The following FRAS1 variants were observed in gnomAD, a reference collection of about 807,000 sequenced individuals.
The protein encoded by FRAS1 is Fraser extracellular matrix complex subunit 1, also known as extracellular matrix organizing protein FRAS1.
FRAS1 carries 290 observed loss-of-function variants against 435.2 expected under a neutral mutation model. The observed-to-expected ratio is 0.67, with a 90% CI of 0.61 to 0.73. FRAS1 has a LOEUF of 0.73. FRAS1 is among the 30% of genes least tolerant of loss of function. FRAS1 has a pLI of 0.00. For missense variants in FRAS1, 4,860 were observed against 5,001.5 expected (o/e 0.97, Z 0.85); for synonymous variants, 1,800 against 1,851.0 (o/e 0.97, Z 0.71).
At chr4:78,431,511 A>G (rs1442756554) in intron 37 of FRAS1, among the ~76,000 whole-genome samples, 1 of 152,222 alleles carries the variant, frequency 6.6e-6, no homozygotes, top group African/African-American at 2.4e-5. Context: ...AGACAGAATG[A>G]GTAAATTCTT....
intron 18 of FRAS1, among the ~76,000 whole-genome samples, chr4:78,324,295 C>A (rs1729632177): frequency 6.6e-6 from 1 of 152,092 alleles, no homozygotes; most frequent in Non-Finnish European, 1.5e-5. Context: ...ATAAGCATAT[C>A]CCTAATATTG....
chr4:78,374,639 T>G (rs1731683872), intron 25 of FRAS1, among the ~76,000 whole-genome samples: 1 of 152,224 alleles, frequency 6.6e-6, no homozygotes, highest in South Asian at 2.1e-4. Context: ...CATAAATCCT[T>G]AAAGAATGGG....
In FRAS1 at chr4:78,482,519, T is replaced by C; in HGVS notation, c.8736T>C (p.Asn2912=). ...TKPFQAVIAI[N]DTFQDVPSMQ... ...CCTTCCAGGCAGTCATTGCAATTAA[T>C]GACACATTCCAAGATGGTAAGAGAT... The change falls in exon 58 of 74, where the codon AAT becomes AAC. Residue 2912 remains asparagine (N), a synonymous_variant. Transcript: ENST00000512123. The C allele has an allele frequency of 6.2e-7, 1 of 1,613,848 alleles. No homozygotes were observed. The highest frequency in any genetic ancestry group is 8.5e-7 in the Non-Finnish European group (1 of 1,179,828).
At chr4:78,323,918 A>C (rs1181849222) in intron 18 of FRAS1, among the ~76,000 whole-genome samples, 1 of 152,142 alleles carries the variant, frequency 6.6e-6, no homozygotes, top group Non-Finnish European at 1.5e-5. Flanking sequence ...AATTTCTCAT[A>C]GGACTCTCCT....
intron 53 of FRAS1, 58 bp downstream of exon 53, chr4:78,473,655 C>T: frequency 7.1e-7 from 1 of 1,405,256 alleles, no homozygotes; most frequent in Non-Finnish European, 9.7e-7. Flanking sequence ...CAGAGGGAGT[C>T]AGGATGAAGG....
At chr4:78,527,601 A>T (rs1721580025) in intron 70 of FRAS1, among the ~76,000 whole-genome samples, 1 of 152,154 alleles carries the variant, frequency 6.6e-6, no homozygotes, top group African/African-American at 2.4e-5. Context: ...TGGCTATTGG[A>T]TTCGTCAATA....
chr4:78,230,342 T>C (rs1724466864), intron 2 of FRAS1, among the ~76,000 whole-genome samples: 1 of 152,244 alleles, frequency 6.6e-6, no homozygotes, highest in Non-Finnish European at 1.5e-5. Flanking sequence ...TGAAAGGAGA[T>C]AATTTAATGT....
chr4:78,435,731 C>G (rs140164496), intron 38 of FRAS1, among the ~76,000 whole-genome samples: 1 of 138,844 alleles, frequency 7.2e-6, no homozygotes, highest in African/African-American at 2.6e-5. Context: ...GAGTGAGACT[C>G]TGTCTCAAGA....
At chr4:78,228,418 G>A (rs949666782) in intron 2 of FRAS1, among the ~76,000 whole-genome samples, 2 of 152,148 alleles carry the variant, frequency 1.3e-5, no homozygotes, top group Non-Finnish European at 2.9e-5. Flanking sequence ...ACTATTACAG[G>A]ATTATGTTAG....
intron 18 of FRAS1, among the ~76,000 whole-genome samples, chr4:78,323,845 T>C (rs1332653320): frequency 6.6e-6 from 1 of 152,196 alleles, no homozygotes; most frequent in Non-Finnish European, 1.5e-5. Flanking sequence ...GGATTTTTTT[T>C]TTCTTCTAAA....
At chr4:78,360,587 G>A (rs114233065) in intron 20 of FRAS1, among the ~76,000 whole-genome samples, 1 of 152,142 alleles carries the variant, frequency 6.6e-6, no homozygotes, top group South Asian at 2.1e-4. Context: ...ATAGATAGAC[G>A]TTTTGAGGTG....
intron 2 of FRAS1, among the ~76,000 whole-genome samples, chr4:78,078,811 G>A (rs1740773779): frequency 6.6e-6 from 1 of 152,080 alleles, no homozygotes. Context: ...AAGAAGAATT[G>A]TTGTTAATAA....
intron 35 of FRAS1, among the ~76,000 whole-genome samples, chr4:78,426,992 G>A (rs1041140468): frequency 1.3e-5 from 2 of 152,146 alleles, no homozygotes; most frequent in African/African-American, 4.8e-5. Context: ...TGTAAAATAA[G>A]GATGTTGAAA....
At chr4:78,118,596 G>T (rs1016887802) in intron 2 of FRAS1, among the ~76,000 whole-genome samples, 1 of 152,264 alleles carries the variant, frequency 6.6e-6, no homozygotes, top group Non-Finnish European at 1.5e-5. Flanking sequence ...GCGAGGCTCC[G>T]TGGGCATAGG....
At chr4:78,503,156 G>A (rs949702282) in intron 61 of FRAS1, among the ~76,000 whole-genome samples, 1 of 152,142 alleles carries the variant, frequency 6.6e-6, no homozygotes. Flanking sequence ...TGGTCATCAG[G>A]GATATTGGTC....
At chr4:78,135,911 G>A (rs1324543538) in intron 2 of FRAS1, among the ~76,000 whole-genome samples, 1 of 152,082 alleles carries the variant, frequency 6.6e-6, no homozygotes, top group Non-Finnish European at 1.5e-5. Context: ...TGCTCCTAAG[G>A]GAAATATAAG....
At chr4:78,442,864 T>C (rs767590414) in intron 41 of FRAS1, among the ~76,000 whole-genome samples, 5 of 152,190 alleles carry the variant, frequency 3.3e-5, no homozygotes, top group Non-Finnish European at 5.9e-5. Context: ...GGTGATGCCA[T>C]TGCTGCTGGC....
rs117037864 is a variant in FRAS1 at position 78,526,106 on chromosome 4, A to G, written c.10809-435A>G. Among the ~76,000 whole-genome samples the G allele has an allele frequency of 2.6e-5, 4 of 152,296 alleles. No homozygotes were observed. The East Asian group carries it at 7.7e-4, about 29-fold the overall frequency. On this transcript the variant is annotated intron_variant, in intron 69 of 73. Coordinates refer to ENST00000512123, the MANE Select transcript of FRAS1 (RefSeq NM_025074.7). ...CTGTGTCACAGCAGCACCTGACACTATCACATCTTCAGAAATAAAAGCTGC... is the reference window on the plus strand; with the variant it reads ...CTGTGTCACAGCAGCACCTGACACTGTCACATCTTCAGAAATAAAAGCTGC...
chr4:78,282,477 C>T (rs1017544891), intron 11 of FRAS1, among the ~76,000 whole-genome samples: 1 of 152,162 alleles, frequency 6.6e-6, no homozygotes, highest in Non-Finnish European at 1.5e-5. Context: ...ACAGTAATCT[C>T]CTTTGATGTT....
Sources: gnomAD v4.1 joint callset for allele counts (sites outside exome capture counted in the v4.1 genomes callset) on GRCh38, gnomAD v4.1.1 for gene constraint, MANE v1.5 for transcripts, NCBI Gene and HGNC (gene_info 2026-07-23, HGNC 2026-07-21) for gene names.